CEP72: variants seen among roughly 807,000 people sequenced by gnomAD.
CEP72 encodes the protein centrosomal protein of 72 kDa.
In CEP72, 78 loss-of-function variants were observed where a neutral mutation model predicts 65.7. That is an observed-to-expected ratio of 1.19 (90% CI 0.99 to 1.43). CEP72 has a LOEUF of 1.43. Ranked by LOEUF, CEP72 falls within the 40% of genes most tolerant of loss-of-function variation. The pLI is 0.00. For missense variants in CEP72, 914 were observed against 832.9 expected (o/e 1.10, Z -1.20); for synonymous variants, 358 against 351.7 (o/e 1.02, Z -0.20).
chr5:633,037 C>T (rs1561041590), intron 4 of CEP72, among the ~76,000 whole-genome samples: 1 of 59,038 alleles, frequency 1.7e-5, no homozygotes. Flanking sequence ...CTGTCCAGTG[C>T]CGGGATTTAG....
chr5:657,456 C>T (rs1739408202), downstream of CEP72, among the ~76,000 whole-genome samples: 1 of 152,220 alleles, frequency 6.6e-6, no homozygotes, highest in Admixed American at 6.5e-5. Context: ...TGTATTCTTT[C>T]TCCATTCTCT....
chr5:651,840 C>G (rs1188648611), intron 11 of CEP72, among the ~76,000 whole-genome samples: 1 of 150,148 alleles, frequency 6.7e-6, no homozygotes, highest in Admixed American at 6.7e-5. Context: ...TTCATTCCCT[C>G]TTCCTTTCCC....
intron 6 of CEP72, among the ~76,000 whole-genome samples, chr5:636,014 G>T (rs1242365709): frequency 3.0e-4 from 46 of 152,236 alleles, no homozygotes; most frequent in Admixed American, 3.0e-3. Context: ...CTGAGGGCTG[G>T]CCCTGTGACC....
intron 7 of CEP72, 141 bp downstream of exon 7, chr5:637,959 G>A: frequency 3.6e-6 from 3 of 842,378 alleles, no homozygotes; most frequent in Non-Finnish European, 3.5e-6. Context: ...GCGGTGCCGT[G>A]ATTACGCCTA....
At position 623,009 on chromosome 5, in the gene CEP72, G is replaced by A. The variant is rs1266661730; in HGVS notation, c.404-1462G>A. On this transcript the variant is annotated intron_variant, in intron 3 of 11. Transcript: ENST00000264935. This position sits in a 1 kb window ranked among gnomAD's most constrained non-coding sequence, Gnocchi z 5.3. ...AGAATCTTAGTGTTTCTGCAGAGAA[G>A]GAGCGCAGCCGTCTCCCCTCTTAGT... 6.6e-6 allele frequency among the ~76,000 whole-genome samples: 1 copy of A among 152,176 alleles called. No individual in the cohort carries two copies. Among genetic ancestry groups the A allele is most frequent in the African/African-American group, 2.4e-5 (1 of 41,438 alleles).
chr5:658,910 T>C (rs553529390), downstream of CEP72, among the ~76,000 whole-genome samples: 80 of 152,270 alleles, frequency 5.3e-4, no homozygotes, highest in Admixed American at 1.8e-3. Context: ...CCTTGTGATC[T>C]GCCCGCCTCG....
chr5:647,781 C>CTT (rs568985937), intron 10 of CEP72, 24 bp from the exon 11 acceptor site: 15 of 1,381,652 alleles, frequency 1.1e-5, no homozygotes, highest in South Asian at 2.6e-5. Flanking sequence ...ATTAATGGTA[C>CTT]TTTTTTTTTT....
At chr5:632,912 G>T (rs1248876683) in intron 4 of CEP72, among the ~76,000 whole-genome samples, 7 of 106,352 alleles carry the variant, frequency 6.6e-5, no homozygotes, top group Admixed American at 4.5e-4. Context: ...GTGGGGTTCT[G>T]TCCAGTGCCG....
At position 620,249 on chromosome 5, in the gene CEP72, C is replaced by G. The variant is rs1195093887; in HGVS notation, c.391C>G (p.Leu131Val). ...TTTTGTTGTGCACCTGCTCCCCAAG[C>G]TCCAGCAGCTGGGTAGGCATCAGGC... The part of the protein sequence containing the change: ...RLFVVHLLPK[L>V]QQLDDRPVRA... The change falls in exon 3 of 12, where the codon CTC becomes GTC. Residue 131 changes from leucine (L) to valine (V), a missense_variant. Coordinates refer to ENST00000264935, the MANE Select transcript of CEP72 (RefSeq NM_018140.4). The G allele has an allele frequency of 3.7e-6, 6 of 1,613,174 alleles. No individual in the cohort carries two copies. The African/African-American group carries it at 4.0e-5, about 11-fold the overall frequency.
At chr5:658,645 A>ATTTTT (rs70955278), downstream of CEP72, among the ~76,000 whole-genome samples, 20 of 55,984 alleles carry the variant, frequency 3.6e-4, 3 homozygotes, top group Non-Finnish European at 4.1e-4. Flanking sequence ...AGCAAAGCTG[A>ATTTTT]TTTTTTTTTT....
At chr5:662,632 AAGG>A (rs1385475547) in intron 1 of CEP72, 4 of 152,552 alleles carry the variant, frequency 2.6e-5, no homozygotes, top group Admixed American at 2.6e-4. Context: ...CACGGACAGA[AAGG>A]AGAAACGCAG....
chr5:657,361 G>C (rs977672610), downstream of CEP72, among the ~76,000 whole-genome samples: 2 of 152,106 alleles, frequency 1.3e-5, no homozygotes, highest in Non-Finnish European at 2.9e-5. Context: ...TCTCTTCACG[G>C]GTGACAGCCA....
chr5:649,332 CTG>C (rs147125749), intron 11 of CEP72, among the ~76,000 whole-genome samples: 3 of 97,930 alleles, frequency 3.1e-5, no homozygotes, highest in South Asian at 3.5e-4. Context: ...TGAGGCGTGA[CTG>C]TGAGGCGTGG....
At chr5:626,709 C>A (rs1054568139) in intron 4 of CEP72, among the ~76,000 whole-genome samples, 1 of 151,998 alleles carries the variant, frequency 6.6e-6, no homozygotes, top group South Asian at 2.1e-4. Context: ...TGCCTGTAGT[C>A]CCAGCTACTC....
chr5:664,199 A>C (rs554554484), intron 2 of CEP72: 1 of 152,820 alleles, frequency 6.5e-6, no homozygotes, highest in South Asian at 2.1e-4. Flanking sequence ...GCAGCTAGTG[A>C]GGACGGGCGA....
At chr5:648,895 C>T (rs1486760209) in intron 11 of CEP72, among the ~76,000 whole-genome samples, 237 of 41,198 alleles carry the variant, frequency 5.8e-3, no homozygotes, top group Non-Finnish European at 7.3e-3. Context: ...GACTGTGAGG[C>T]GTGGACTGTG....
At chr5:642,686 C>G (rs1738137222) in intron 9 of CEP72, 3 of 985,404 alleles carry the variant, frequency 3.0e-6, no homozygotes. Context: ...ACAGAGCAGC[C>G]CTGGTTCCCT....
downstream of CEP72, among the ~76,000 whole-genome samples, chr5:654,036 CTGTG>C (rs753923923): frequency 1.1e-3 from 136 of 125,042 alleles, 1 homozygote; most frequent in South Asian, 2.0e-3. Flanking sequence ...TGTGCGCTTG[CTGTG>C]TGTGTGTGCT....
chr5:639,268 G>T, intron 8 of CEP72, 44 bp downstream of exon 8: 2 of 1,522,570 alleles, frequency 1.3e-6, no homozygotes, highest in Non-Finnish European at 8.8e-7. Context: ...GGCAGCGTCT[G>T]TGTGGGTTCC....
Sources: gnomAD v4.1 joint callset for allele counts (sites outside exome capture counted in the v4.1 genomes callset) on GRCh38, gnomAD v4.1.1 for gene constraint, Gnocchi (gnomAD v3.1) non-coding constraint, MANE v1.5 for transcripts, NCBI Gene and HGNC (gene_info 2026-07-23, HGNC 2026-07-21) for gene names.